ASIC1: variants seen among roughly 807,000 people sequenced by gnomAD.
The protein encoded by ASIC1 is acid sensing ion channel subunit 1, also known as acid-sensing ion channel 1.
Under a neutral mutation model 63.4 loss-of-function variants are expected in ASIC1, and 21 were observed. That is an observed-to-expected ratio of 0.33 (90% CI 0.23 to 0.48). The LOEUF (loss-of-function observed/expected upper bound fraction) is 0.48, where lower values mean the gene tolerates loss of function less well. Among genes scored for constraint, ASIC1 ranks in the 20% least tolerant of loss-of-function variants. The pLI is 0.99. For missense variants in ASIC1, 478 were observed against 695.5 expected (o/e 0.69, Z 3.52); for synonymous variants, 258 against 278.2 (o/e 0.93, Z 0.72).
intron 3 of ASIC1, among the ~76,000 whole-genome samples, chr12:50,061,336 T>A (rs1950499069): frequency 6.6e-6 from 1 of 152,212 alleles, no homozygotes; most frequent in South Asian, 2.1e-4. Context: ...CTGGCCTTTG[T>A]CAATCCTGCT....
In ASIC1 at chr12:50,078,673, C is replaced by T. The variant is rs1296852446; in HGVS notation, c.994+96C>T. 8 of 1,544,188 alleles carry T rather than the reference C, an allele frequency of 5.2e-6. No individual in the cohort carries two copies. The Admixed American group carries it at 6.9e-5, about 13-fold the overall frequency. ...CATATCAATCTCCCAACCCCAGTTC[C>T]AGCCCACCCCATCCCACACCCACCT... is the stretch of plus-strand genomic sequence containing the variant. On this transcript the variant is annotated intron_variant, in intron 6 of 11. Transcript: ENST00000447966. The surrounding 1 kb of genome is among the most constrained non-coding windows in gnomAD (Gnocchi z 6.0).
intron 8 of ASIC1, 33 bp from the exon 9 acceptor site, chr12:50,080,465 G>T (rs1950703774): frequency 6.2e-7 from 1 of 1,602,686 alleles, no homozygotes; most frequent in South Asian, 1.1e-5. Flanking sequence ...GATATGACTT[G>T]AACCTAGGTC....
In ASIC1 at chr12:50,078,241, G is replaced by A; in HGVS notation, c.837+114G>A. The A allele has an allele frequency of 6.6e-7, 1 of 1,526,546 alleles. No homozygotes were observed. Among genetic ancestry groups the A allele is most frequent in the Non-Finnish European group, 8.8e-7 (1 of 1,135,602 alleles). 94.6% of individuals were successfully genotyped at this position (1,526,546 alleles called of 1,614,324 possible). On this transcript the variant is annotated intron_variant, in intron 5 of 11. Coordinates refer to ENST00000447966, the MANE Select transcript of ASIC1 (RefSeq NM_001095.4). This position sits in a 1 kb window ranked among gnomAD's most constrained non-coding sequence, Gnocchi z 6.0. Reference sequence around the variant, plus strand: ...GAGCAAGGACCTGGGTGGTAATCTGGCTAGTCAGAAGCATGAGTGATCGAA... The same window carrying A: ...GAGCAAGGACCTGGGTGGTAATCTGACTAGTCAGAAGCATGAGTGATCGAA...
intron 3 of ASIC1, among the ~76,000 whole-genome samples, chr12:50,071,305 C>G (rs1330859864): frequency 5.1e-5 from 7 of 136,956 alleles, no homozygotes; most frequent in Non-Finnish European, 7.6e-5. Flanking sequence ...CTTGCTCTGT[C>G]CCCCAGGCTG....
intron 3 of ASIC1, chr12:50,073,638 A>G (rs767065486): frequency 4.8e-4 from 737 of 1,535,996 alleles, no homozygotes; most frequent in Non-Finnish European, 6.2e-4. Flanking sequence ...AGGAAGCCCC[A>G]GGGCCCTTGG....
intron 3 of ASIC1, among the ~76,000 whole-genome samples, chr12:50,067,708 T>G (rs1190783675): frequency 6.6e-6 from 1 of 152,196 alleles, no homozygotes; most frequent in Non-Finnish European, 1.5e-5. Flanking sequence ...CGTGAGCCAC[T>G]GCGCCCGGAC....
At chr12:50,079,361 C>T (rs573713407) in intron 7 of ASIC1, among the ~76,000 whole-genome samples, 3 of 152,086 alleles carry the variant, frequency 2.0e-5, no homozygotes, top group African/African-American at 7.2e-5. Flanking sequence ...TGCAGTGAGC[C>T]GAGATTGCAC....
At chr12:50,080,354 C>G in intron 8 of ASIC1, 144 bp from the exon 9 acceptor site, 1 of 862,038 alleles carries the variant, frequency 1.2e-6, no homozygotes, top group Non-Finnish European at 1.8e-6. Context: ...TCATTTAATC[C>G]TAAAAGGCAG....
At chr12:50,076,721 T>G (rs1394892006) in intron 3 of ASIC1, 3 of 276,110 alleles carry the variant, frequency 1.1e-5, no homozygotes, top group South Asian at 3.5e-5. Context: ...GGGGGCAGGG[T>G]TAAGGAAACC....
intron 3 of ASIC1, among the ~76,000 whole-genome samples, chr12:50,063,493 T>C (rs1467294007): frequency 6.6e-6 from 1 of 152,070 alleles, no homozygotes; most frequent in Non-Finnish European, 1.5e-5. Context: ...AGAGTGGAAA[T>C]GCTGGGGTGG....
chr12:50,073,956 C>T (rs752788063), intron 3 of ASIC1: 94 of 1,535,750 alleles, frequency 6.1e-5, no homozygotes, highest in Admixed American at 9.8e-5. Context: ...CCCTTCTAAA[C>T]GAAGTGGCCA....
intron 3 of ASIC1, among the ~76,000 whole-genome samples, chr12:50,060,607 G>T (rs1950492647): frequency 6.6e-6 from 1 of 152,228 alleles, no homozygotes; most frequent in African/African-American, 2.4e-5. Context: ...CTGAGGAAAG[G>T]AAGGCCATCG....
At chr12:50,061,416 C>T (rs555190975) in intron 3 of ASIC1, among the ~76,000 whole-genome samples, 55 of 152,296 alleles carry the variant, frequency 3.6e-4, no homozygotes, top group African/African-American at 1.3e-3. Context: ...GATGCAAGAA[C>T]CACTTCCTTC....
At chr12:50,065,683 G>A (rs985660747) in intron 3 of ASIC1, among the ~76,000 whole-genome samples, 1 of 152,258 alleles carries the variant, frequency 6.6e-6, no homozygotes, top group African/African-American at 2.4e-5. Context: ...ACTCTCCAGG[G>A]AGAGGGAGGG....
At chr12:50,063,099 C>A (rs1274722815) in intron 3 of ASIC1, among the ~76,000 whole-genome samples, 1 of 152,206 alleles carries the variant, frequency 6.6e-6, no homozygotes, top group Admixed American at 6.5e-5. Context: ...TCCTTTTCTT[C>A]CTGGTAGGGT....
intron 3 of ASIC1, among the ~76,000 whole-genome samples, chr12:50,067,630 G>C (rs1445575614): frequency 1.3e-5 from 2 of 152,148 alleles, no homozygotes; most frequent in Non-Finnish European, 2.9e-5. Context: ...TGTTGGTCAG[G>C]CTGGTCTTGA....
Position 50,065,418 on chromosome 12 carries a change from G to A in ASIC1, c.558+5464G>A, listed in dbSNP as rs566960681. ...CCTGGCCCCACTTCTTAGCTTCTAA[G>A]CCCAATCTCCTGTAAGGAGGTTGTA... On this transcript the variant is annotated intron_variant, in intron 3 of 11. Coordinates refer to ENST00000447966, the MANE Select transcript of ASIC1 (RefSeq NM_001095.4). 1.2e-3 allele frequency among the ~76,000 whole-genome samples: 178 copies of A among 152,246 alleles called. 1 individual carries two copies. The highest frequency in any genetic ancestry group is 4.2e-3 in the African/African-American group (175 of 41,546).
Position 50,058,940 on chromosome 12 carries a change from G to GC in ASIC1, c.174_175insC (p.Cys59LeufsTer43). On this transcript the variant is annotated frameshift_variant, in exon 2 of 12. Coordinates refer to ENST00000447966, the MANE Select transcript of ASIC1 (RefSeq NM_001095.4). LOFTEE classifies it high-confidence loss of function. Reference sequence around the variant, plus strand: ...TCCTGGGCTCCCTGGCTGTGCTGCTGTGTGTGTGCACGGAGCGTGTGCAGT... The same window carrying GC: ...TCCTGGGCTCCCTGGCTGTGCTGCTGCTGTGTGTGCACGGAGCGTGTGCAGT... 1 of 1,609,256 alleles carries GC rather than the reference G, an allele frequency of 6.2e-7. No homozygotes were observed. Among genetic ancestry groups the GC allele is most frequent in the Non-Finnish European group, 8.5e-7 (1 of 1,175,758 alleles).
At chr12:50,068,134 T>C (rs1344814904) in intron 3 of ASIC1, among the ~76,000 whole-genome samples, 1 of 152,098 alleles carries the variant, frequency 6.6e-6, no homozygotes, top group Non-Finnish European at 1.5e-5. Context: ...TTGTGTCTGT[T>C]TGTTTTGTTT....
Sources: allele counts gnomAD v4.1 joint callset (sites outside exome capture counted in the v4.1 genomes callset), GRCh38; gene constraint gnomAD v4.1.1; non-coding constraint Gnocchi (gnomAD v3.1); transcripts MANE v1.5; gene names NCBI Gene and HGNC (gene_info 2026-07-23, HGNC 2026-07-21).